CDH8: variants seen among roughly 807,000 people sequenced by gnomAD.
CDH8 encodes the protein cadherin-8.
A neutral mutation model predicts 68.1 loss-of-function variants in CDH8; 17 were observed. That is an observed-to-expected ratio of 0.25 (90% CI 0.17 to 0.37). CDH8 has a LOEUF of 0.37. Ranked by LOEUF, CDH8 falls within the 10% of genes least tolerant of loss-of-function variation. The pLI is 1.00. For missense variants in CDH8, 763 were observed against 999.3 expected, an observed-to-expected ratio of 0.76 and a Z score of 3.19; for synonymous variants, 372 against 365.1, an observed-to-expected ratio of 1.02 and a Z score of -0.21.
chr16:61,755,525 A>T (rs1215517291), intron 8 of CDH8, among the ~76,000 whole-genome samples: 2 of 152,118 alleles, frequency 1.3e-5, no homozygotes, highest in African/African-American at 2.4e-5. Context: ...AATAGGGTGA[A>T]TTAAACAATT....
chr16:61,809,019 T>C (rs1237631421), intron 7 of CDH8, among the ~76,000 whole-genome samples: 1 of 152,116 alleles, frequency 6.6e-6, no homozygotes, highest in Non-Finnish European at 1.5e-5. Flanking sequence ...AACCCCCGTC[T>C]CTACTAAAAA....
At chr16:61,945,437 TAAAAAAA>T (rs59806534) in intron 2 of CDH8, among the ~76,000 whole-genome samples, 1 of 120,456 alleles carries the variant, frequency 8.3e-6, no homozygotes, top group Non-Finnish European at 1.7e-5. Context: ...GATGCATGAT[TAAAAAAA>T]AAAAAAAAAA....
chr16:62,028,220 A>G (rs980957971), intron 1 of CDH8, among the ~76,000 whole-genome samples: 2 of 151,860 alleles, frequency 1.3e-5, no homozygotes, highest in African/African-American at 4.8e-5. Flanking sequence ...ACCCGCCACA[A>G]TGCCCGGCTA....
chr16:62,025,237 T>C (rs1040428458), intron 1 of CDH8, among the ~76,000 whole-genome samples: 1 of 152,184 alleles, frequency 6.6e-6, no homozygotes, highest in Admixed American at 6.5e-5. Flanking sequence ...GCATCTAAGG[T>C]AATTTTCAAA....
chr16:61,845,353 G>C (rs1161085676), intron 4 of CDH8, among the ~76,000 whole-genome samples: 1 of 151,972 alleles, frequency 6.6e-6, no homozygotes, highest in Non-Finnish European at 1.5e-5. Context: ...TCAGGAGTTA[G>C]AGTGCAAAGG....
chr16:61,751,772 T>C (rs1960172843), intron 8 of CDH8, among the ~76,000 whole-genome samples: 1 of 152,136 alleles, frequency 6.6e-6, no homozygotes, highest in African/African-American at 2.4e-5. Context: ...TATATTACAT[T>C]GAGTTGTGGT....
intron 2 of CDH8, among the ~76,000 whole-genome samples, chr16:61,929,156 G>C (rs1051590600): frequency 6.6e-6 from 1 of 152,098 alleles, no homozygotes; most frequent in African/African-American, 2.4e-5. Flanking sequence ...TGATCTGCCC[G>C]CTTCAGCCTC....
At chr16:61,710,381 C>T (rs1038135516) in intron 10 of CDH8, among the ~76,000 whole-genome samples, 2 of 152,006 alleles carry the variant, frequency 1.3e-5, no homozygotes, top group Non-Finnish European at 2.9e-5. Context: ...ATATTATGGA[C>T]AATGAGGTAA....
At chr16:61,915,770 T>G (rs1964229669) in intron 2 of CDH8, among the ~76,000 whole-genome samples, 1 of 152,108 alleles carries the variant, frequency 6.6e-6, no homozygotes, top group East Asian at 1.9e-4. Flanking sequence ...GTCACCATAC[T>G]CCCCTGTGGA....
chr16:61,718,178 T>TG lies in CDH8; in HGVS notation c.1537-4221_1537-4220insC, dbSNP rs141416583. Among the ~76,000 whole-genome samples, 98 of 151,484 alleles carry TG rather than the reference T, an allele frequency of 6.5e-4. 1 individual carries two copies. The East Asian group carries it at 0.017, about 26-fold the overall frequency. The stretch of plus-strand genomic sequence containing the variant: ...AATTGGGGCTTAGACCTTCAATATT[T>TG]TGGAGTGTGTAAGCATGACCCATCC... On this transcript the variant is annotated intron_variant, in intron 9 of 11. Transcript: ENST00000577390.
At chr16:61,721,555 T>C (rs1429874292) in intron 9 of CDH8, among the ~76,000 whole-genome samples, 1 of 150,894 alleles carries the variant, frequency 6.6e-6, no homozygotes, top group East Asian at 1.9e-4. Context: ...GATAATTACC[T>C]TTACTTCTCT....
At chr16:62,015,421 A>C (rs1387148951) in intron 2 of CDH8, among the ~76,000 whole-genome samples, 1 of 151,984 alleles carries the variant, frequency 6.6e-6, no homozygotes, top group Admixed American at 6.6e-5. Flanking sequence ...GTGTGTGTGT[A>C]TTCCAGTTCC....
intron 2 of CDH8, among the ~76,000 whole-genome samples, chr16:61,961,432 C>T (rs1233759641): frequency 6.6e-6 from 1 of 152,224 alleles, no homozygotes; most frequent in East Asian, 1.9e-4. Context: ...ATGAGTTCTA[C>T]CTGCTTCTCT....
intron 8 of CDH8, among the ~76,000 whole-genome samples, chr16:61,768,263 A>AGG (rs1473516070): frequency 6.7e-6 from 1 of 149,326 alleles, no homozygotes; most frequent in Non-Finnish European, 1.5e-5. Context: ...CTAGTTCCAG[A>AGG]GGGTTGGTTC....
intron 2 of CDH8, among the ~76,000 whole-genome samples, chr16:61,924,100 A>G (rs1964418590): frequency 6.6e-6 from 1 of 151,774 alleles, no homozygotes; most frequent in Non-Finnish European, 1.5e-5. Flanking sequence ...TGACTTCGAG[A>G]TCAAAAAGTT....
chr16:61,742,475 A>T (rs944520431), intron 8 of CDH8, among the ~76,000 whole-genome samples: 7 of 152,030 alleles, frequency 4.6e-5, no homozygotes, highest in Admixed American at 1.3e-4. Context: ...GATATTTACT[A>T]TATGTTTCTT....
chr16:61,804,202 C>T (rs1377178124), intron 7 of CDH8, among the ~76,000 whole-genome samples: 1 of 150,744 alleles, frequency 6.6e-6, no homozygotes, highest in Non-Finnish European at 1.5e-5. Context: ...ACTGAACAAC[C>T]TGCTCCTGAA....
At chr16:61,973,021 C>A (rs1052023351) in intron 2 of CDH8, among the ~76,000 whole-genome samples, 2 of 152,200 alleles carry the variant, frequency 1.3e-5, no homozygotes, top group African/African-American at 4.8e-5. Context: ...AAAAGTAATT[C>A]TGAGGCTTAG....
chr16:61,776,206 T>C (rs1960896254), intron 8 of CDH8, among the ~76,000 whole-genome samples: 1 of 152,138 alleles, frequency 6.6e-6, no homozygotes, highest in Non-Finnish European at 1.5e-5. Flanking sequence ...GCAATTTACC[T>C]GTGTTATCTC....
Sources: gnomAD v4.1 joint callset for allele counts (sites outside exome capture counted in the v4.1 genomes callset) on GRCh38, gnomAD v4.1.1 for gene constraint, MANE v1.5 for transcripts, NCBI Gene and HGNC (gene_info 2026-07-23, HGNC 2026-07-21) for gene names.